The following OTOGL variants were observed in gnomAD, a reference collection of about 807,000 sequenced individuals.
OTOGL encodes the protein otogelin-like protein.
A neutral mutation model predicts 318.5 loss-of-function variants in OTOGL; 285 were observed. That is an observed-to-expected ratio of 0.89 (90% CI 0.81 to 0.99). The LOEUF is 0.99. Ranked by LOEUF, OTOGL falls within the 50% of genes least tolerant of loss-of-function variation. The pLI is 0.00. For missense variants in OTOGL, 2,899 were observed against 2,845.6 expected (o/e 1.02, Z -0.43); for synonymous variants, 987 against 936.5 (o/e 1.05, Z -0.99).
intron 1 of OTOGL, among the ~76,000 whole-genome samples, chr12:80,127,046 A>C (rs1870894965): frequency 6.6e-6 from 1 of 152,174 alleles, no homozygotes; most frequent in South Asian, 2.1e-4. Context: ...TTTACATTTA[A>C]GGTTGATATT....
chr12:80,294,627 G>T (rs1277303922), intron 26 of OTOGL, among the ~76,000 whole-genome samples: 1 of 152,052 alleles, frequency 6.6e-6, no homozygotes, highest in Admixed American at 6.5e-5. Flanking sequence ...GGTTACAGAG[G>T]GATATATTAA....
At chr12:80,189,511 C>T (rs1340046257) in intron 1 of OTOGL, 4 of 941,476 alleles carry the variant, frequency 4.2e-6, no homozygotes, top group Middle Eastern at 5.4e-4. Context: ...TTGTTTAGTA[C>T]TAATTCATTT....
chr12:80,121,278 A>G (rs981297035), intron 1 of OTOGL, among the ~76,000 whole-genome samples: 1 of 152,192 alleles, frequency 6.6e-6, no homozygotes, highest in Non-Finnish European at 1.5e-5. Context: ...CACCTCAAGG[A>G]AACACTAAAT....
intron 28 of OTOGL, among the ~76,000 whole-genome samples, chr12:80,304,730 TG>T (rs1175101178): frequency 6.6e-6 from 1 of 152,170 alleles, no homozygotes. Context: ...CTGATATCCT[TG>T]TTTCCAGCAA....
At chr12:80,216,327 T>C (rs1186258796) in intron 4 of OTOGL, among the ~76,000 whole-genome samples, 1 of 152,190 alleles carries the variant, frequency 6.6e-6, no homozygotes, top group Non-Finnish European at 1.5e-5. Context: ...TCTTCAGTTT[T>C]TCTAATATCA....
chr12:80,279,137 A>T lies in OTOGL; in HGVS notation c.2899A>T (p.Ile967Phe). The T allele has an allele frequency of 6.3e-7, 1 of 1,593,052 alleles. No individual in the cohort carries two copies. The highest frequency in any genetic ancestry group is 8.5e-7 in the Non-Finnish European group (1 of 1,176,058). ...YSFDGLEYDY[I>F]SDCQVFLIKS... ...TTTTGATGGACTAGAATATGACTAT[A>T]TCAGTGATTGCCAGGTGTTTTTGAT... Residue 967 changes from isoleucine (I) to phenylalanine (F), a missense_variant, in exon 26 of 59, where the codon ATC becomes TTC. Physicochemically the swap from Ile to Phe is conservative, Grantham distance 21. This residue lies in a region of OTOGL where 2,607 missense variants were observed against 2,524.9 expected (regional missense o/e 1.03). Transcript: ENST00000547103.
intron 49 of OTOGL, among the ~76,000 whole-genome samples, chr12:80,357,526 A>G (rs989380097): frequency 6.6e-6 from 1 of 152,184 alleles, no homozygotes; most frequent in African/African-American, 2.4e-5. Flanking sequence ...AAGTGGCAAA[A>G]CTGATGGATT....
At chr12:80,174,125 G>C (rs751197915) in intron 1 of OTOGL, among the ~76,000 whole-genome samples, 5 of 152,140 alleles carry the variant, frequency 3.3e-5, no homozygotes, top group Non-Finnish European at 5.9e-5. Flanking sequence ...AAACCATGCT[G>C]ATTTGGAGTC....
intron 1 of OTOGL, among the ~76,000 whole-genome samples, chr12:80,172,769 G>A (rs1874292722): frequency 6.6e-6 from 1 of 152,092 alleles, no homozygotes; most frequent in Non-Finnish European, 1.5e-5. Context: ...CTGCCTCTTG[G>A]GTTCAAGCGA....
At position 80,247,153 on chromosome 12, in the gene OTOGL, C is replaced by T. The variant is rs1432876380; in HGVS notation, c.1053-4540C>T. ...TGATTTTTTGAAGGGTTTTTTGTGT[C>T]TCTGTTTCCTTCAGTTCTGCTCTGA... On this transcript the variant is annotated intron_variant, in intron 11 of 58. Coordinates refer to ENST00000547103, the MANE Select transcript of OTOGL (RefSeq NM_001378609.3). Among the ~76,000 whole-genome samples, 594 of 146,336 alleles carry T rather than the reference C, an allele frequency of 4.1e-3. 3 individuals are homozygous for T. Among genetic ancestry groups the T allele is most frequent in the Middle Eastern group, 6.8e-3 (2 of 294 alleles).
intron 24 of OTOGL, among the ~76,000 whole-genome samples, chr12:80,276,101 A>T (rs1883785959): frequency 6.6e-6 from 1 of 151,786 alleles, no homozygotes; most frequent in Non-Finnish European, 1.5e-5. Flanking sequence ...TTGAGTAGTT[A>T]TGAAAAACTC....
At chr12:80,365,397 C>A (rs1263836929) in intron 52 of OTOGL, among the ~76,000 whole-genome samples, 1 of 151,892 alleles carries the variant, frequency 6.6e-6, no homozygotes, top group East Asian at 1.9e-4. Context: ...AGAATAAAAG[C>A]ATAATTGAAT....
At chr12:80,347,537 A>G (rs1395063327) in intron 44 of OTOGL, among the ~76,000 whole-genome samples, 1 of 151,948 alleles carries the variant, frequency 6.6e-6, no homozygotes, top group Non-Finnish European at 1.5e-5. Context: ...TATCTAGTCT[A>G]TTATTGATGG....
intron 1 of OTOGL, among the ~76,000 whole-genome samples, chr12:80,114,209 A>C (rs1870019689): frequency 6.6e-6 from 1 of 152,094 alleles, no homozygotes; most frequent in Non-Finnish European, 1.5e-5. Flanking sequence ...TCATAGTGTC[A>C]ATGGCCTTTA....
chr12:80,153,413 G>T (rs1232680755), intron 1 of OTOGL, among the ~76,000 whole-genome samples: 1 of 152,162 alleles, frequency 6.6e-6, no homozygotes, highest in Non-Finnish European at 1.5e-5. Context: ...TGGGGATTAA[G>T]TTTTCAACAT....
chr12:80,345,701 G>GA (rs1319931762), intron 44 of OTOGL, among the ~76,000 whole-genome samples: 2 of 151,758 alleles, frequency 1.3e-5, no homozygotes, highest in African/African-American at 2.4e-5. Context: ...CAAGAGTGAC[G>GA]AATTAAAAAT....
intron 52 of OTOGL, among the ~76,000 whole-genome samples, chr12:80,364,551 T>C (rs1890416444): frequency 6.6e-6 from 1 of 152,104 alleles, no homozygotes; most frequent in East Asian, 1.9e-4. Flanking sequence ...ACCCTGTACC[T>C]ATTGCAGTCG....
At chr12:80,205,369 C>T (rs974827680) in intron 1 of OTOGL, among the ~76,000 whole-genome samples, 2 of 152,132 alleles carry the variant, frequency 1.3e-5, no homozygotes, top group African/African-American at 4.8e-5. Flanking sequence ...AGTTGAAAAA[C>T]AAATGTCGCT....
At chr12:80,108,860 GTATATATATGTGTATATATGTGTA>G (rs1869641529) in intron 1 of OTOGL, among the ~76,000 whole-genome samples, 1 of 137,290 alleles carries the variant, frequency 7.3e-6, no homozygotes, top group East Asian at 2.1e-4. Flanking sequence ...ATATATATGT[GTATATATATGTGTATATATGTGTA>G]TATATATGTG....
Sources: gnomAD v4.1 joint callset for allele counts (sites outside exome capture counted in the v4.1 genomes callset) on GRCh38, gnomAD v4.1.1 for gene constraint, gnomAD v4.1.1 regional missense constraint, MANE v1.5 for transcripts, NCBI Gene and HGNC (gene_info 2026-07-23, HGNC 2026-07-21) for gene names.